RBM6: variants seen among roughly 807,000 people sequenced by gnomAD.
RBM6 encodes the protein RNA binding motif protein 6.
Under a neutral mutation model 140.4 loss-of-function variants are expected in RBM6, and 23 were observed. That is an observed-to-expected ratio of 0.16 (90% CI 0.12 to 0.23). The LOEUF (loss-of-function observed/expected upper bound fraction) is 0.23. Among genes scored for constraint, RBM6 ranks in the 10% least tolerant of loss-of-function variants. RBM6 has a pLI of 1.00. For missense variants in RBM6, 1,139 were observed against 1,386.7 expected (o/e 0.82, Z 2.84); for synonymous variants, 439 against 475.6 (o/e 0.92, Z 1.00).
At chr3:50,072,083 CAAAAAAAAAAA>C (rs974465674) in intron 19 of RBM6, among the ~76,000 whole-genome samples, 1 of 41,460 alleles carries the variant, frequency 2.4e-5, no homozygotes, top group Non-Finnish European at 4.7e-5. Flanking sequence ...GACTCTGTCT[CAAAAAAAAAAA>C]AAAAAAAAAA....
At chr3:50,055,620 A>G (rs1030337237) in intron 8 of RBM6, among the ~76,000 whole-genome samples, 1 of 152,194 alleles carries the variant, frequency 6.6e-6, no homozygotes, top group African/African-American at 2.4e-5. Context: ...AAGAGTCTTT[A>G]TGACATCAGT....
chr3:50,018,055 T>C (rs759643172), intron 6 of RBM6, among the ~76,000 whole-genome samples: 22 of 152,212 alleles, frequency 1.4e-4, no homozygotes, highest in South Asian at 4.1e-4. Context: ...TACATCATTA[T>C]CAAGGGTTCA....
At chr3:50,072,345 G>A (rs898549233) in intron 19 of RBM6, among the ~76,000 whole-genome samples, 1 of 151,766 alleles carries the variant, frequency 6.6e-6, no homozygotes, top group Non-Finnish European at 1.5e-5. Flanking sequence ...GGGAGGTGGA[G>A]GTTGCAGTGA....
intron 6 of RBM6, among the ~76,000 whole-genome samples, chr3:50,003,749 T>G (rs2086450646): frequency 6.6e-6 from 1 of 152,192 alleles, no homozygotes; most frequent in African/African-American, 2.4e-5. Flanking sequence ...AGGGTATCAC[T>G]TAGGCAGCAG....
intron 6 of RBM6, among the ~76,000 whole-genome samples, chr3:50,042,041 C>G (rs1157954492): frequency 2.6e-5 from 4 of 152,138 alleles, no homozygotes; most frequent in Admixed American, 6.5e-5. Context: ...CATCCATATG[C>G]CCTATTTGTA....
At chr3:49,950,280 A>C (rs867431273) in intron 1 of RBM6, among the ~76,000 whole-genome samples, 5 of 152,120 alleles carry the variant, frequency 3.3e-5, no homozygotes, top group Admixed American at 2.0e-4. Flanking sequence ...GCTGCTGCAT[A>C]CCACAGCTAA....
intron 6 of RBM6, among the ~76,000 whole-genome samples, chr3:50,025,243 C>T (rs983326349): frequency 6.6e-6 from 1 of 151,494 alleles, no homozygotes; most frequent in South Asian, 2.1e-4. Flanking sequence ...GCTAACATGG[C>T]GAAACCCCGT....
chr3:49,945,806 C>T (rs1483089934), intron 1 of RBM6, among the ~76,000 whole-genome samples: 6 of 142,686 alleles, frequency 4.2e-5, no homozygotes, highest in Admixed American at 1.5e-4. Flanking sequence ...GGCGTGAACC[C>T]GGGAGGCACA....
At chr3:50,049,893 G>T (rs1243288515) in intron 7 of RBM6, among the ~76,000 whole-genome samples, 2 of 145,314 alleles carry the variant, frequency 1.4e-5, no homozygotes, top group Non-Finnish European at 3.0e-5. Flanking sequence ...TCACTATGTT[G>T]CCCAGGCTGG....
In RBM6 at chr3:50,075,216, T is replaced by G; in HGVS notation, c.3132T>G (p.Val1044=). The part of the protein sequence containing the change: ...SRETDSDRKL[V]DKEDIDTSSK... ...TCTTTTGCAGTGATCGTAAACTTGTTGATAAAGAAGATATCGACACTAGCA... is the reference window on the plus strand; with the variant it reads ...TCTTTTGCAGTGATCGTAAACTTGTGGATAAAGAAGATATCGACACTAGCA... The change falls in exon 20 of 21, where the codon GTT becomes GTG. Residue 1044 remains valine, a synonymous_variant. Coordinates refer to ENST00000266022, the MANE Select transcript of RBM6 (RefSeq NM_005777.3). 6.2e-7 allele frequency: 1 copy of G among 1,613,722 alleles called. No individual in the cohort carries two copies. Among genetic ancestry groups the G allele is most frequent in the East Asian group, 2.2e-5 (1 of 44,878 alleles).
At chr3:49,988,336 G>C (rs1454062528) in intron 5 of RBM6, among the ~76,000 whole-genome samples, 1 of 152,050 alleles carries the variant, frequency 6.6e-6, no homozygotes, top group African/African-American at 2.4e-5. Flanking sequence ...GTAGACATGG[G>C]GGTCACTGTC....
At chr3:49,996,055 G>A (rs1319616167) in intron 5 of RBM6, among the ~76,000 whole-genome samples, 1 of 152,084 alleles carries the variant, frequency 6.6e-6, no homozygotes, top group African/African-American at 2.4e-5. Flanking sequence ...CCCACACCCT[G>A]TTTTCTCACT....
chr3:49,962,390 C>G (rs1490550872), intron 1 of RBM6, among the ~76,000 whole-genome samples, 186 bp from the exon 2 acceptor site: 12 of 151,682 alleles, frequency 7.9e-5, no homozygotes, highest in Non-Finnish European at 1.8e-4. Flanking sequence ...TGAGATCATG[C>G]CTTTGCACTC....
At chr3:50,060,921 A>G (rs771996105) in intron 11 of RBM6, 35 bp from the exon 12 acceptor site, 3 of 1,527,802 alleles carry the variant, frequency 2.0e-6, no homozygotes, top group South Asian at 1.3e-5. Context: ...GCCACTTGGT[A>G]GCAGCCTTAA....
At chr3:50,005,158 A>T (rs1351207354) in intron 6 of RBM6, among the ~76,000 whole-genome samples, 1 of 152,162 alleles carries the variant, frequency 6.6e-6, no homozygotes, top group Non-Finnish European at 1.5e-5. Flanking sequence ...AGGTATATAT[A>T]GGAAACCAAA....
intron 10 of RBM6, among the ~76,000 whole-genome samples, chr3:50,059,105 A>C (rs1218361637): frequency 6.6e-6 from 1 of 151,994 alleles, no homozygotes; most frequent in Admixed American, 6.6e-5. Context: ...ACTGTTTCCA[A>C]CTTACTCGCT....
At position 50,068,852 on chromosome 3, in the gene RBM6, T is replaced by C. The variant is rs2090199326; in HGVS notation, c.3018+88T>C. 4 of 1,200,956 alleles carry C rather than the reference T, an allele frequency of 3.3e-6. No homozygotes were observed. In the Admixed American group the frequency reaches 6.4e-5, roughly 19 times the overall value. 74.4% of individuals were successfully genotyped at this position (1,200,956 alleles called of 1,614,324 possible). A position where few individuals can be genotyped will look rare whatever the true frequency, so the allele number is the denominator to read the frequency against. ...CATAGGCTGTGCTGATCCCTCCTTA[T>C]AAGAAGATGGAGAACAAAAGCAGCC... On this transcript the variant is annotated intron_variant, in intron 18 of 20. Coordinates refer to ENST00000266022, the MANE Select transcript of RBM6 (RefSeq NM_005777.3).
chr3:49,978,307 G>A (rs1422024236), intron 5 of RBM6, among the ~76,000 whole-genome samples: 3 of 152,100 alleles, frequency 2.0e-5, no homozygotes, highest in African/African-American at 7.2e-5. Context: ...AGACAAAAAG[G>A]TGACATTCAT....
intron 1 of RBM6, among the ~76,000 whole-genome samples, chr3:49,941,762 T>C (rs1367148518): frequency 6.6e-6 from 1 of 151,470 alleles, no homozygotes; most frequent in African/African-American, 2.4e-5. Context: ...GAGGCGGAGT[T>C]TCGCTATGTT....
Sources: gnomAD v4.1 joint callset for allele counts (sites outside exome capture counted in the v4.1 genomes callset) on GRCh38, gnomAD v4.1.1 for gene constraint, MANE v1.5 for transcripts, NCBI Gene and HGNC (gene_info 2026-07-23, HGNC 2026-07-21) for gene names.